The following SMIM8 variants were observed in gnomAD, a reference collection of about 807,000 sequenced individuals.
The protein encoded by SMIM8 is small integral membrane protein 8.
A neutral mutation model predicts 8.1 loss-of-function variants in SMIM8; 8 were observed. The ratio of observed to expected loss-of-function variants is 0.99; its 90% confidence interval spans 0.58 to 1.78. SMIM8 has a LOEUF of 1.78. Among genes scored for constraint, SMIM8 ranks in the 40% most tolerant of loss-of-function variants. The pLI is 0.00. For missense variants in SMIM8, 126 were observed against 119.8 expected, an observed-to-expected ratio of 1.05 and a Z score of -0.24; for synonymous variants, 45 against 39.7, an observed-to-expected ratio of 1.13 and a Z score of -0.50.
rs1777161669 is a variant in SMIM8, at chr6:87,338,742, CTGT to C, written c.136-1372_136-1370del. ...GCAGGTATGGTGACAGAAGCAGAAA[CTGT>C]TATTTATATCACTACTGTGCATTTA... is the stretch of plus-strand genomic sequence containing the variant. On this transcript the variant is annotated intron_variant, in intron 3 of 3. Coordinates refer to ENST00000392863, the MANE Select transcript of SMIM8 (RefSeq NM_001042493.3). Among the ~76,000 whole-genome samples, 10 of 152,184 alleles carry C rather than the reference CTGT, an allele frequency of 6.6e-5. No homozygotes were observed. In the South Asian group the frequency reaches 1.9e-3, roughly 28 times the overall value.
chr6:87,329,397 C>T (rs1251487997), intron 1 of SMIM8: 3 of 152,512 alleles, frequency 2.0e-5, no homozygotes, highest in Admixed American at 6.5e-5. Context: ...GCCTCAGCCT[C>T]CCGAGGAGCT....
Position 87,342,089 on chromosome 6 carries a change from A to G in SMIM8, c.*1815A>G, listed in dbSNP as rs996455879. On this transcript the variant is annotated 3_prime_UTR_variant, in exon 4 of 4. Transcript: ENST00000392863. ...CATGTAAGATCTATGTGAATGAACC[A>G]AAGTAACTAGAGTCAGTCAAGCACA... is the stretch of plus-strand genomic sequence containing the variant. 1 of 152,218 alleles carries G rather than the reference A, an allele frequency of 6.6e-6. No homozygotes were observed. Among genetic ancestry groups the G allele is most frequent in the African/African-American group, 2.4e-5 (1 of 41,452 alleles). The allele number at this position is 152,218 out of a possible 1,614,324, so 9.4% of individuals were successfully genotyped here.
intron 3 of SMIM8, among the ~76,000 whole-genome samples, chr6:87,338,214 A>T (rs1777153945): frequency 6.6e-6 from 1 of 152,196 alleles, no homozygotes; most frequent in South Asian, 2.1e-4. Context: ...GTGTTCATCT[A>T]AGTGAAAAAG....
At chr6:87,325,112 A>G (rs1582085134) in intron 1 of SMIM8, among the ~76,000 whole-genome samples, 1 of 152,212 alleles carries the variant, frequency 6.6e-6, no homozygotes, top group Middle Eastern at 3.4e-3. Context: ...TTGTACATTG[A>G]TTTTGTATCC....
chr6:87,327,291 T>G (rs1196637670), intron 1 of SMIM8, among the ~76,000 whole-genome samples: 7 of 150,596 alleles, frequency 4.6e-5, no homozygotes, highest in Admixed American at 3.9e-4. Flanking sequence ...TTGTTATGTG[T>G]GAATTTGATC....
chr6:87,341,585 G>A lies in SMIM8; in HGVS notation c.*1311G>A, dbSNP rs536942955. On this transcript the variant is annotated 3_prime_UTR_variant, in exon 4 of 4. Coordinates refer to ENST00000392863, the MANE Select transcript of SMIM8 (RefSeq NM_001042493.3). ...CTTCAGTCGCTATTAATATTACCAAGTAATAATAACAGCACAGGCAGAGTT... is the reference window on the plus strand; with the variant it reads ...CTTCAGTCGCTATTAATATTACCAAATAATAATAACAGCACAGGCAGAGTT... 13 of 314,170 alleles carry A rather than the reference G, an allele frequency of 4.1e-5. No individual in the cohort carries two copies. The highest frequency in any genetic ancestry group is 2.8e-4 in the African/African-American group (13 of 46,822). The allele number at this position is 314,170 out of a possible 1,614,324, so 19.5% of individuals were successfully genotyped here. A position where few individuals can be genotyped will look rare whatever the true frequency, so the allele number is the denominator to read the frequency against.
intron 1 of SMIM8, 145 bp downstream of exon 1, chr6:87,322,777 C>G (rs1365087421): frequency 6.6e-6 from 1 of 152,122 alleles, no homozygotes; most frequent in Non-Finnish European, 1.5e-5. Flanking sequence ...TCGGATAGCC[C>G]AAATCTTTGC....
At chr6:87,338,907 T>C in intron 3 of SMIM8, among the ~76,000 whole-genome samples, 1 of 88,356 alleles carries the variant, frequency 1.1e-5, no homozygotes, top group Admixed American at 9.8e-5. Flanking sequence ...ATTTAAAAGC[T>C]TTTTTTTTTT....
rs1172971164 is a variant in SMIM8, at chr6:87,341,951, T to C, written c.*1677T>C. On this transcript the variant is annotated 3_prime_UTR_variant, in exon 4 of 4. Coordinates refer to ENST00000392863, the MANE Select transcript of SMIM8 (RefSeq NM_001042493.3). ...ATTGCCATCTTTTAGAATTTTTTAC[T>C]ATTCAACAGAATAAGCTGATGTTTG... is the stretch of plus-strand genomic sequence containing the variant. 1.3e-5 allele frequency: 2 copies of C among 152,222 alleles called. No individual in the cohort carries two copies. Among genetic ancestry groups the C allele is most frequent in the African/African-American group, 4.8e-5 (2 of 41,460 alleles). 9.4% of individuals were successfully genotyped at this position (152,222 alleles called of 1,614,324 possible). A position where few individuals can be genotyped will look rare whatever the true frequency, so the allele number is the denominator to read the frequency against.
At chr6:87,335,470 C>G (rs1331432346) in intron 2 of SMIM8, among the ~76,000 whole-genome samples, 4 of 152,146 alleles carry the variant, frequency 2.6e-5, no homozygotes, top group Non-Finnish European at 5.9e-5. Context: ...GAACCAGCAA[C>G]AGTGAACATT....
chr6:87,340,450 A>G lies in SMIM8; in HGVS notation c.*176A>G, dbSNP rs1777202675. On this transcript the variant is annotated 3_prime_UTR_variant, in exon 4 of 4. Transcript: ENST00000392863. The stretch of plus-strand genomic sequence containing the variant: ...TTGTCCTTTCACAGCTGCAGCCATT[A>G]TCTCATTCTTTTTCCACAGAGTGAG... The G allele has an allele frequency of 2.2e-6, 1 of 450,388 alleles. No homozygotes were observed. Among genetic ancestry groups the G allele is most frequent in the South Asian group, 1.1e-4 (1 of 9,412 alleles). The allele number at this position is 450,388 out of a possible 1,614,324, so 27.9% of individuals were successfully genotyped here.
At chr6:87,322,927 C>G (rs2127913154) in intron 1 of SMIM8, 1 of 152,444 alleles carries the variant, frequency 6.6e-6, no homozygotes, top group South Asian at 2.1e-4. Context: ...AGAACTCTCT[C>G]GTTTCCTGCA....
rs1338496692 is a variant in SMIM8, at chr6:87,340,779, G to T, written c.*505G>T. 1 of 152,442 alleles carries T rather than the reference G, an allele frequency of 6.6e-6. No individual in the cohort carries two copies. The highest frequency in any genetic ancestry group is 1.5e-5 in the Non-Finnish European group (1 of 68,356). 9.4% of individuals were successfully genotyped at this position (152,442 alleles called of 1,614,324 possible). A position where few individuals can be genotyped will look rare whatever the true frequency, so the allele number is the denominator to read the frequency against. On this transcript the variant is annotated 3_prime_UTR_variant, in exon 4 of 4. Transcript: ENST00000392863. ...ATATGAGATATGAGAAACTGAGTTGGCTCTGACAAGTAGTTTTTATAGTGT... is the reference window on the plus strand; with the variant it reads ...ATATGAGATATGAGAAACTGAGTTGTCTCTGACAAGTAGTTTTTATAGTGT...
intron 3 of SMIM8, among the ~76,000 whole-genome samples, chr6:87,339,726 A>T (rs1367775933): frequency 1.3e-5 from 2 of 152,158 alleles, no homozygotes; most frequent in Non-Finnish European, 2.9e-5. Flanking sequence ...TGAAGTTTGC[A>T]AATGGAGAGA....
intron 2 of SMIM8, among the ~76,000 whole-genome samples, chr6:87,335,926 A>G (rs1777105951): frequency 6.8e-6 from 1 of 147,972 alleles, no homozygotes; most frequent in South Asian, 2.1e-4. Flanking sequence ...AGGTGGGAGG[A>G]TCACTTGAGC....
chr6:87,335,490 T>G (rs1353309333), intron 2 of SMIM8, among the ~76,000 whole-genome samples: 4 of 152,086 alleles, frequency 2.6e-5, no homozygotes, highest in African/African-American at 9.7e-5. Context: ...TTCTGAAGCC[T>G]TTGCAAGTAT....
intron 2 of SMIM8, among the ~76,000 whole-genome samples, chr6:87,331,611 T>G (rs1776996883): frequency 2.0e-5 from 3 of 152,338 alleles, no homozygotes; most frequent in Non-Finnish European, 4.4e-5. Flanking sequence ...TGTTTTTGTT[T>G]TTGTTGTTGT....
intron 2 of SMIM8, among the ~76,000 whole-genome samples, chr6:87,335,174 C>G (rs1377198329): frequency 6.6e-6 from 1 of 152,186 alleles, no homozygotes; most frequent in East Asian, 1.9e-4. Context: ...AAAACACAGG[C>G]ATGATTCCTG....
At chr6:87,328,302 C>T (rs1008191575) in intron 1 of SMIM8, among the ~76,000 whole-genome samples, 20 of 152,198 alleles carry the variant, frequency 1.3e-4, no homozygotes, top group African/African-American at 2.4e-4. Context: ...TGAGGAACTG[C>T]GTTCCTTTGG....
Sources: allele counts gnomAD v4.1 joint callset (sites outside exome capture counted in the v4.1 genomes callset), GRCh38; gene constraint gnomAD v4.1.1; transcripts MANE v1.5; gene names NCBI Gene and HGNC (gene_info 2026-07-23, HGNC 2026-07-21).